AADACL4: variants seen among roughly 807,000 people sequenced by gnomAD.
AADACL4 encodes the protein arylacetamide deacetylase-like 4.
Under a neutral mutation model 14.1 loss-of-function variants are expected in AADACL4, and 9 were observed. The observed-to-expected ratio is 0.64, with a 90% CI of 0.39 to 1.12. The LOEUF is 1.12. Ranked by LOEUF, AADACL4 falls within the 50% of genes most tolerant of loss-of-function variation. AADACL4 has a pLI of 0.01. For synonymous variants in AADACL4, 188 were observed against 201.6 expected (o/e 0.93, Z 0.57); for missense variants, 531 against 516.1 (o/e 1.03, Z -0.28).
At chr1:12,651,465 G>A (rs1226273609) in intron 2 of AADACL4, 126 bp downstream of exon 2, 13 of 994,568 alleles carry the variant, frequency 1.3e-5, no homozygotes, top group South Asian at 3.2e-5. Context: ...TTTTTATAGC[G>A]TTAATAGCCC....
chr1:12,647,514 G>C (rs1647118991), intron 1 of AADACL4, among the ~76,000 whole-genome samples: 1 of 152,098 alleles, frequency 6.6e-6, no homozygotes, highest in Non-Finnish European at 1.5e-5. Context: ...TTCATAGTAT[G>C]CTTATCAAGT....
At chr1:12,664,604 T>C (rs927328940) in intron 3 of AADACL4, among the ~76,000 whole-genome samples, 3 of 152,050 alleles carry the variant, frequency 2.0e-5, no homozygotes, top group African/African-American at 7.2e-5. Flanking sequence ...TGAGGTTGAG[T>C]GATCCTCAGC....
Position 12,666,684 on chromosome 1 carries a change from A to C in AADACL4, c.1173A>C (p.Pro391=), listed in dbSNP as rs532350034. ...IFFDKKALSF[P]CSLKIVNAVV... ...TTGATAAGAAGGCTCTCTCTTTCCC[A>C]TGTTCCCTGAAGATTGTGAATGCTG... The change falls in exon 4 of 4, where the codon CCA becomes CCC. Residue 391 remains proline, a synonymous_variant. Coordinates refer to ENST00000376221, the MANE Select transcript of AADACL4 (RefSeq NM_001013630.2). 6.2e-7 allele frequency: 1 copy of C among 1,613,678 alleles called. No homozygotes were observed. Among genetic ancestry groups the C allele is most frequent in the Non-Finnish European group, 8.5e-7 (1 of 1,180,008 alleles).
chr1:12,662,308 GA>G (rs896911893), intron 3 of AADACL4, among the ~76,000 whole-genome samples: 2 of 152,040 alleles, frequency 1.3e-5, no homozygotes, highest in African/African-American at 4.8e-5. Context: ...AACATAGAAA[GA>G]AAAAAATGAT....
chr1:12,648,137 A>C (rs1239227235), intron 1 of AADACL4, among the ~76,000 whole-genome samples: 2 of 150,502 alleles, frequency 1.3e-5, no homozygotes, highest in African/African-American at 4.9e-5. Context: ...CGCCTGGCTA[A>C]TTTTTTGTAT....
intron 2 of AADACL4, among the ~76,000 whole-genome samples, chr1:12,656,299 C>A (rs1431618305): frequency 6.6e-6 from 1 of 152,206 alleles, no homozygotes; most frequent in African/African-American, 2.4e-5. Flanking sequence ...CTGGCTGCCT[C>A]AGCATCCAGG....
At position 12,666,645 on chromosome 1, in the gene AADACL4, A is replaced by T; in HGVS notation, c.1134A>T (p.Gly378=). ...ACCACCTGTATGATGGTTTTCACGG[A>T]TCCATTATCTTTTTTGATAAGAAGG... ...TWYHLYDGFH[G]SIIFFDKKAL... The change falls in exon 4 of 4, where the codon GGA becomes GGT. Residue 378 remains glycine (G), a synonymous_variant. Coordinates refer to ENST00000376221, the MANE Select transcript of AADACL4 (RefSeq NM_001013630.2). 6.2e-7 allele frequency: 1 copy of T among 1,614,136 alleles called. No homozygotes were observed. The highest frequency in any genetic ancestry group is 1.6e-4 in the Middle Eastern group (1 of 6,062).
chr1:12,652,026 G>A (rs970152110), intron 2 of AADACL4, among the ~76,000 whole-genome samples: 6 of 150,814 alleles, frequency 4.0e-5, no homozygotes, highest in East Asian at 1.9e-4. Context: ...TAGTAGAGAC[G>A]GGGTTTCACT....
chr1:12,663,176 C>G (rs1647255534), intron 3 of AADACL4, among the ~76,000 whole-genome samples: 1 of 152,216 alleles, frequency 6.6e-6, no homozygotes, highest in African/African-American at 2.4e-5. Flanking sequence ...CCTACCCGAA[C>G]TCTTGGAGAA....
At chr1:12,646,850 GTGA>G (rs1647114613) in intron 1 of AADACL4, among the ~76,000 whole-genome samples, 1 of 152,142 alleles carries the variant, frequency 6.6e-6, no homozygotes, top group Non-Finnish European at 1.5e-5. Context: ...CCATCATGGG[GTGA>G]TGATGATGAG....
rs1647098246 is a variant in AADACL4, at chr1:12,644,628, T to A, written c.82T>A (p.Phe28Ile). ...GVFVWAVFEHFLTTDIPATLQ... is the reference protein window; with the variant it reads ...GVFVWAVFEHILTTDIPATLQ... ...CTTTGTCTGGGCTGTCTTTGAGCAC[T>A]TCCTCACCACGGATATCCCTGCTAC... The change falls in exon 1 of 4, where the codon TTC (phenylalanine) becomes ATC (isoleucine). Residue 28 changes from phenylalanine to isoleucine, a missense_variant. Transcript: ENST00000376221. 1.2e-6 allele frequency: 2 copies of A among 1,614,042 alleles called. No individual in the cohort carries two copies. Among genetic ancestry groups the A allele is most frequent in the Admixed American group, 3.3e-5 (2 of 60,006 alleles).
chr1:12,648,349 C>CATCCTTCCTTCCTTCT (rs1201414325), intron 1 of AADACL4, among the ~76,000 whole-genome samples: 1 of 140,478 alleles, frequency 7.1e-6, no homozygotes, highest in African/African-American at 2.7e-5. Flanking sequence ...ACCTCAGATC[C>CATCCTTCCTTCCTTCT]TTCCTTCCTT....
intron 2 of AADACL4, among the ~76,000 whole-genome samples, chr1:12,658,090 T>TTTCCTTCCTTC (rs755806940): frequency 2.7e-4 from 37 of 136,280 alleles, no homozygotes; most frequent in African/African-American, 3.7e-4. Flanking sequence ...TCTTTCTTTC[T>TTTCCTTCCTTC]CTTTCTTTCT....
rs1486441072 is a variant in AADACL4, at chr1:12,666,999, A to G, written c.*264A>G. 2.3e-5 allele frequency: 11 copies of G among 468,596 alleles called. No homozygotes were observed. The highest frequency in any genetic ancestry group is 4.1e-5 in the Non-Finnish European group (11 of 269,492). 29.0% of individuals were successfully genotyped at this position (468,596 alleles called of 1,614,324 possible). ...CCATTTAGGTGAAATAAATATCAAA[A>G]GGAGAAAAAAATGCCTTTAAAAATT... On this transcript the variant is annotated 3_prime_UTR_variant, in exon 4 of 4. Transcript: ENST00000376221.
chr1:12,659,158 C>T (rs1047265910), intron 2 of AADACL4, among the ~76,000 whole-genome samples: 4 of 152,130 alleles, frequency 2.6e-5, no homozygotes, highest in Non-Finnish European at 5.9e-5. Flanking sequence ...GGATGTACTG[C>T]CACCTGGTGG....
chr1:12,646,309 T>C (rs778899697), intron 1 of AADACL4, among the ~76,000 whole-genome samples: 5 of 152,340 alleles, frequency 3.3e-5, no homozygotes, highest in Non-Finnish European at 5.9e-5. Flanking sequence ...TCTCTGTGTC[T>C]CAGTTTCCTC....
At chr1:12,645,795 T>C (rs925699815) in intron 1 of AADACL4, among the ~76,000 whole-genome samples, 2 of 152,224 alleles carry the variant, frequency 1.3e-5, no homozygotes, top group African/African-American at 4.8e-5. Context: ...CTGCCCGCCT[T>C]GGCCTCCCAA....
In AADACL4 at chr1:12,666,201, G is replaced by T. The variant is rs369051578; in HGVS notation, c.690G>T (p.Leu230Phe). Reference protein sequence around the residue: ...LIYPVVQAFCLQLPSFQQNQN... With the variant: ...LIYPVVQAFCFQLPSFQQNQN... ...ATCCAGTTGTCCAGGCATTCTGTTT[G>T]CAGTTGCCATCCTTTCAGCAGAACC... is the stretch of plus-strand genomic sequence containing the variant. Residue 230 changes from leucine to phenylalanine, a missense_variant, in exon 4 of 4, where the codon TTG becomes TTT. Leu to Phe is a conservative substitution (Grantham distance 22). Coordinates refer to ENST00000376221, the MANE Select transcript of AADACL4 (RefSeq NM_001013630.2). 1.4e-5 allele frequency: 22 copies of T among 1,614,252 alleles called. No individual in the cohort carries two copies. In the South Asian group the frequency reaches 2.4e-4, roughly 18 times the overall value.
chr1:12,666,545 A>G lies in AADACL4; in HGVS notation c.1034A>G (p.Glu345Gly). Residue 345 changes from glutamate (E) to glycine (G), a missense_variant, in exon 4 of 4, where the codon GAG (glutamate) becomes GGG (glycine). Physicochemically the swap from Glu to Gly is moderately conservative, Grantham distance 98. Coordinates refer to ENST00000376221, the MANE Select transcript of AADACL4 (RefSeq NM_001013630.2). ...CCTGAGGCCTTCCTGGTGAGCTGTGAGAATGACATACTCCGTGATGACAGC... is the reference window on the plus strand; with the variant it reads ...CCTGAGGCCTTCCTGGTGAGCTGTGGGAATGACATACTCCGTGATGACAGC... Reference protein sequence around the residue: ...QLPEAFLVSCENDILRDDSLL... With the variant: ...QLPEAFLVSCGNDILRDDSLL... The G allele has an allele frequency of 6.2e-7, 1 of 1,614,182 alleles. No homozygotes were observed. The highest frequency in any genetic ancestry group is 8.5e-7 in the Non-Finnish European group (1 of 1,180,026).
Sources: gnomAD v4.1 joint callset for allele counts (sites outside exome capture counted in the v4.1 genomes callset) on GRCh38, gnomAD v4.1.1 for gene constraint, MANE v1.5 for transcripts, NCBI Gene and HGNC (gene_info 2026-07-23, HGNC 2026-07-21) for gene names.